Variants in NOP9 observed in about 807,000 individuals in gnomAD.
The protein encoded by NOP9 is nucleolar protein 9.
In NOP9, 50 loss-of-function variants were observed where a neutral mutation model predicts 63.0. That is an observed-to-expected ratio of 0.79 (90% CI 0.63 to 1.00). The LOEUF is 1.00. Ranked by LOEUF, NOP9 falls within the 50% of genes least tolerant of loss-of-function variation. The pLI is 0.00. For synonymous variants in NOP9, 343 were observed against 332.8 expected (o/e 1.03, Z -0.33); for missense variants, 758 against 803.0 (o/e 0.94, Z 0.68).
Position 24,304,216 on chromosome 14 carries a change from C to G in NOP9, c.1586C>G (p.Ala529Gly). ...CCCGCTGGCTCTCATGTGCTCGATG[C>G]CATCCTGACCAGCCCCTCTGTGACG... Reference protein sequence around the residue: ...QSPAGSHVLDAILTSPSVTRK... With the variant: ...QSPAGSHVLDGILTSPSVTRK... The change falls in exon 8 of 10, where the codon GCC becomes GGC. Residue 529 changes from alanine to glycine, a missense_variant. Ala to Gly is a moderately conservative substitution (Grantham distance 60, BLOSUM62 0). Transcript: ENST00000267425. 1 of 1,614,172 alleles carries G rather than the reference C, an allele frequency of 6.2e-7. No homozygotes were observed. The highest frequency in any genetic ancestry group is 2.2e-5 in the East Asian group (1 of 44,884).
At chr14:24,291,083 G>T in the NOP9 span, 1 of 1,612,982 alleles carries the variant, frequency 6.2e-7, no homozygotes, top group South Asian at 1.1e-5. Flanking sequence ...AGGGAGGAGT[G>T]GGCAGGGAAC....
At chr14:24,295,863 G>T (rs1044777670), upstream of NOP9, among the ~76,000 whole-genome samples, 2 of 152,180 alleles carry the variant, frequency 1.3e-5, no homozygotes, top group African/African-American at 4.8e-5. Context: ...CGATAATCTC[G>T]TGGTTACTCC....
the NOP9 span, among the ~76,000 whole-genome samples, chr14:24,276,088 G>A: frequency 2.0e-5 from 3 of 149,998 alleles, no homozygotes; most frequent in South Asian, 2.1e-4. Context: ...ATTTTTTTTT[G>A]GCCACGGGCC....
At chr14:24,299,265 T>G, upstream of NOP9, 8 of 793,686 alleles carry the variant, frequency 1.0e-5, no homozygotes, top group Non-Finnish European at 1.5e-5. Flanking sequence ...GGGAGAGGAG[T>G]CAGAGGCTGA....
upstream of NOP9, among the ~76,000 whole-genome samples, chr14:24,294,905 G>A (rs1283769846): frequency 2.0e-5 from 3 of 152,188 alleles, no homozygotes; most frequent in Admixed American, 6.5e-5. Context: ...TGCCTGGTGT[G>A]GTAGAGGACA....
rs1191550800 is a variant in NOP9 at position 24,303,145 on chromosome 14, C to A, written c.1215C>A (p.Val405=). The A allele has an allele frequency of 6.2e-7, 1 of 1,613,158 alleles. No individual in the cohort carries two copies. Among genetic ancestry groups the A allele is most frequent in the Non-Finnish European group, 8.5e-7 (1 of 1,179,606 alleles). ...AVLAQGHPGV[V]IALVGACRRV... The stretch of plus-strand genomic sequence containing the variant: ...TGGCCCAGGGCCACCCAGGGGTAGT[C>A]ATTGCCCTGGTGGGGGCCTGTCGCA... Residue 405 remains valine (V), a synonymous_variant, in exon 6 of 10, where the codon GTC becomes GTA. Coordinates refer to ENST00000267425, the MANE Select transcript of NOP9 (RefSeq NM_174913.3).
chr14:24,299,614 T>C (rs1019161795), upstream of NOP9: 1 of 286,464 alleles, frequency 3.5e-6, no homozygotes, highest in East Asian at 6.2e-5. Context: ...GTCTGCAGAT[T>C]GCGGGGCTGC....
chr14:24,271,346 C>T, the NOP9 span: 3 of 458,756 alleles, frequency 6.5e-6, no homozygotes, highest in African/African-American at 2.0e-5. Flanking sequence ...TCCGTGTGGC[C>T]CTTCCTATAG....
intron 4 of NOP9, 62 bp from the exon 5 acceptor site, chr14:24,302,170 T>C: frequency 6.2e-7 from 1 of 1,600,946 alleles, no homozygotes; most frequent in Non-Finnish European, 8.5e-7. Context: ...TGAGGTGATG[T>C]AGTGCAACTG....
At position 24,308,070 on chromosome 14, in the gene NOP9, A is replaced by G; in HGVS notation, c.*2975A>G. The G allele has an allele frequency of 1.7e-6, 1 of 597,062 alleles. No homozygotes were observed. Among genetic ancestry groups the G allele is most frequent in the Non-Finnish European group, 3.0e-6 (1 of 331,814 alleles). 37.0% of individuals were successfully genotyped at this position (597,062 alleles called of 1,614,324 possible). A position where few individuals can be genotyped will look rare whatever the true frequency, so the allele number is the denominator to read the frequency against. On this transcript the variant is annotated 3_prime_UTR_variant, in exon 10 of 10. Transcript: ENST00000267425. ...AGGGAGGGGCCAGATGGGGTCCTGG[A>G]GGAAGAATTGCCTGGCAAAAGCCAT...
the NOP9 span, among the ~76,000 whole-genome samples, chr14:24,286,939 G>C: frequency 7.9e-5 from 12 of 151,714 alleles, no homozygotes; most frequent in Non-Finnish European, 1.5e-4. Context: ...GCCCAGGCTG[G>C]AGTGTAGTGG....
chr14:24,296,446 G>A (rs1287225042), upstream of NOP9: 8 of 1,518,768 alleles, frequency 5.3e-6, no homozygotes, highest in East Asian at 1.6e-4. Context: ...TGTAAGGAAA[G>A]GCCTGGCCGT....
chr14:24,283,719 C>T, the NOP9 span, among the ~76,000 whole-genome samples: 1 of 152,252 alleles, frequency 6.6e-6, no homozygotes, highest in East Asian at 1.9e-4. Flanking sequence ...CTGCCTCCTC[C>T]CTTGACAGCT....
the NOP9 span, chr14:24,292,625 T>G: frequency 6.2e-7 from 1 of 1,614,218 alleles, no homozygotes; most frequent in South Asian, 1.1e-5. Flanking sequence ...TTTTACCTCC[T>G]CAGCTCCTAT....
At chr14:24,296,589 C>G (rs747862323), upstream of NOP9, 8 of 1,613,754 alleles carry the variant, frequency 5.0e-6, no homozygotes, top group Middle Eastern at 3.3e-4. Context: ...TCAGGATCGT[C>G]TGGAAGGCAC....
chr14:24,275,766 G>A, the NOP9 span, among the ~76,000 whole-genome samples: 2 of 152,222 alleles, frequency 1.3e-5, no homozygotes, highest in Non-Finnish European at 2.9e-5. Context: ...AGCTGTCTCC[G>A]GGCCATGTGC....
chr14:24,299,698 G>A (rs1439106419), upstream of NOP9: 8 of 455,958 alleles, frequency 1.8e-5, no homozygotes, highest in African/African-American at 1.4e-4. Context: ...TTCTGTAGTA[G>A]GACCCGGGGC....
rs139271494 is a variant in NOP9 at position 24,305,172 on chromosome 14, T to C, written c.*77T>C. The C allele has an allele frequency of 5.8e-5, 77 of 1,320,114 alleles. No homozygotes were observed. In the African/African-American group the frequency reaches 7.9e-4, roughly 14 times the overall value. 81.8% of individuals were successfully genotyped at this position (1,320,114 alleles called of 1,614,324 possible). On this transcript the variant is annotated 3_prime_UTR_variant, in exon 10 of 10. Transcript: ENST00000267425. ...CACCCCATCCCTTTCCTGGTTTAAA[T>C]TGGAGTCAGAAGTCTTAGTGGTAAA...
Position 24,306,383 on chromosome 14 carries a change from G to C in NOP9, c.*1288G>C, listed in dbSNP as rs1208850480. 8 of 1,614,174 alleles carry C rather than the reference G, an allele frequency of 5.0e-6. No homozygotes were observed. The highest frequency in any genetic ancestry group is 6.8e-6 in the Non-Finnish European group (8 of 1,180,026). On this transcript the variant is annotated 3_prime_UTR_variant, in exon 10 of 10. Transcript: ENST00000267425. ...AGTATAGGCCTCTTACCCTTGTAGG[G>C]CTCCAGCTCTGACCAGACTGCAACA... is the stretch of plus-strand genomic sequence containing the variant.
Sources: gnomAD v4.1 joint callset for allele counts (sites outside exome capture counted in the v4.1 genomes callset) on GRCh38, gnomAD v4.1.1 for gene constraint, MANE v1.5 for transcripts, NCBI Gene and HGNC (gene_info 2026-07-23, HGNC 2026-07-21) for gene names.